Variants in SEMA3E observed in about 807,000 individuals in gnomAD.
The protein encoded by SEMA3E is semaphorin 3E, also known as semaphorin-3E.
Under a neutral mutation model 93.6 loss-of-function variants are expected in SEMA3E, and 49 were observed. That is an observed-to-expected ratio of 0.52 (90% confidence interval 0.42 to 0.66). The LOEUF is 0.66. Ranked by LOEUF, SEMA3E falls within the 30% of genes least tolerant of loss-of-function variation. The pLI is 0.00. For synonymous variants in SEMA3E, 363 were observed against 330.7 expected (o/e 1.10, Z -1.06); for missense variants, 906 against 964.8 (o/e 0.94, Z 0.81).
intron 1 of SEMA3E, among the ~76,000 whole-genome samples, chr7:83,615,709 T>C (rs1584365915): frequency 6.6e-6 from 1 of 152,260 alleles, no homozygotes; most frequent in East Asian, 1.9e-4. Context: ...ATGCAGATTA[T>C]AGCAACGATA....
intron 4 of SEMA3E, among the ~76,000 whole-genome samples, chr7:83,434,059 CTG>C (rs1479363745): frequency 6.6e-6 from 1 of 151,962 alleles, no homozygotes; most frequent in Non-Finnish European, 1.5e-5. Flanking sequence ...TGCTAAATAA[CTG>C]TAGTTTTACC....
intron 5 of SEMA3E, among the ~76,000 whole-genome samples, chr7:83,415,802 T>A (rs544454015): frequency 6.6e-6 from 1 of 152,238 alleles, no homozygotes; most frequent in South Asian, 2.1e-4. Flanking sequence ...TTTGTCTTCA[T>A]GTGAACAGAC....
intron 4 of SEMA3E, among the ~76,000 whole-genome samples, chr7:83,420,424 C>T (rs1788650246): frequency 1.3e-5 from 2 of 152,100 alleles, no homozygotes; most frequent in African/African-American, 4.8e-5. Context: ...AAACTATCAA[C>T]ATCATTTTTC....
intron 4 of SEMA3E, among the ~76,000 whole-genome samples, chr7:83,445,437 G>T (rs1789205569): frequency 6.6e-6 from 1 of 152,228 alleles, no homozygotes; most frequent in Non-Finnish European, 1.5e-5. Context: ...TATAGGTGGG[G>T]CCGGGCACGG....
chr7:83,591,114 A>AAC (rs1317126587), intron 1 of SEMA3E, among the ~76,000 whole-genome samples: 1 of 150,390 alleles, frequency 6.6e-6, no homozygotes, highest in Non-Finnish European at 1.5e-5. Context: ...TGCAAAAAAA[A>AAC]AAAAAAAACA....
rs1242699730 is a variant in SEMA3E at position 83,478,547 on chromosome 7, C to G, written c.277-9245G>C. On this transcript the variant is annotated intron_variant, in intron 2 of 16. Coordinates refer to ENST00000643230, the MANE Select transcript of SEMA3E (RefSeq NM_012431.3). The stretch of plus-strand genomic sequence containing the variant: ...AGGGGCTATTCATACAGAACATAGA[C>G]AGGATAATCTGTTACCTGTGGTTGA... Among the ~76,000 whole-genome samples the G allele has an allele frequency of 2.6e-5, 4 of 152,274 alleles. No homozygotes were observed. In the East Asian group the frequency reaches 7.7e-4, roughly 29 times the overall value.
intron 2 of SEMA3E, among the ~76,000 whole-genome samples, chr7:83,469,793 A>G (rs563344694): frequency 6.6e-6 from 1 of 152,100 alleles, no homozygotes; most frequent in South Asian, 2.1e-4. Flanking sequence ...TTATTTATTT[A>G]TTTATTATCT....
chr7:83,645,071 T>A (rs919795760), intron 1 of SEMA3E, among the ~76,000 whole-genome samples: 1 of 152,068 alleles, frequency 6.6e-6, no homozygotes, highest in East Asian at 1.9e-4. Flanking sequence ...GGCTTATTTG[T>A]TTTTTCTTCT....
At chr7:83,555,271 G>A (rs1369916431) in intron 1 of SEMA3E, among the ~76,000 whole-genome samples, 5 of 152,280 alleles carry the variant, frequency 3.3e-5, no homozygotes, top group South Asian at 4.1e-4. Flanking sequence ...TGTCCCAGAC[G>A]TCACCAGTAC....
At chr7:83,550,991 A>C (rs1791753017) in intron 1 of SEMA3E, among the ~76,000 whole-genome samples, 1 of 152,184 alleles carries the variant, frequency 6.6e-6, no homozygotes, top group Non-Finnish European at 1.5e-5. Context: ...GTTATTTTAG[A>C]TGCATCAGAT....
intron 1 of SEMA3E, among the ~76,000 whole-genome samples, chr7:83,585,580 C>T (rs1371758152): frequency 1.3e-5 from 2 of 152,278 alleles, no homozygotes; most frequent in East Asian, 1.9e-4. Flanking sequence ...CCATAGACTG[C>T]TAAATGGCTG....
chr7:83,640,161 G>T (rs918614356), intron 1 of SEMA3E, among the ~76,000 whole-genome samples: 2 of 151,990 alleles, frequency 1.3e-5, no homozygotes, highest in South Asian at 2.1e-4. Flanking sequence ...CATTTTCTTT[G>T]CTGCTGTTCT....
chr7:83,394,523 A>T (rs1204526615), intron 12 of SEMA3E, among the ~76,000 whole-genome samples, 185 bp from the exon 13 acceptor site: 1 of 152,164 alleles, frequency 6.6e-6, no homozygotes, highest in African/African-American at 2.4e-5. Flanking sequence ...ACTTGTTTCT[A>T]ACAGGGTGGG....
chr7:83,642,864 T>C (rs1794032932), intron 1 of SEMA3E, among the ~76,000 whole-genome samples: 1 of 152,078 alleles, frequency 6.6e-6, no homozygotes, highest in African/African-American at 2.4e-5. Context: ...GAGACTGAAA[T>C]TATAAGACTT....
chr7:83,568,949 T>C (rs1316845261), intron 1 of SEMA3E, among the ~76,000 whole-genome samples: 9 of 152,224 alleles, frequency 5.9e-5, no homozygotes, highest in African/African-American at 1.9e-4. Flanking sequence ...TATTCTTCTT[T>C]GCTGTTGATA....
At position 83,418,669 on chromosome 7, in the gene SEMA3E, T is replaced by G. The variant is rs558702302; in HGVS notation, c.457-186A>C. 2.0e-5 allele frequency among the ~76,000 whole-genome samples: 3 copies of G among 152,238 alleles called. No homozygotes were observed. In the South Asian group the frequency reaches 6.2e-4, roughly 32 times the overall value. ...TAAGCACATGTGTTTTACAGACCCA[T>G]AAGAGTTCTCTCACTCCTCTGAAAA... On this transcript the variant is annotated intron_variant, in intron 4 of 16. Transcript: ENST00000643230.
intron 2 of SEMA3E, among the ~76,000 whole-genome samples, chr7:83,473,393 T>C (rs918213617): frequency 2.6e-5 from 4 of 152,176 alleles, no homozygotes; most frequent in Admixed American, 2.0e-4. Context: ...AGCAGTTTGT[T>C]TGTTCCCTTA....
intron 1 of SEMA3E, among the ~76,000 whole-genome samples, chr7:83,552,388 C>T (rs1171899549): frequency 1.3e-5 from 2 of 152,058 alleles, no homozygotes; most frequent in Admixed American, 6.6e-5. Context: ...GTTAACTGTA[C>T]AAATTGATTG....
Position 83,368,125 on chromosome 7 carries a change from T to G in SEMA3E, c.1876-87A>C, listed in dbSNP as rs1286999044. 9.9e-6 allele frequency: 12 copies of G among 1,213,696 alleles called. No homozygotes were observed. In the East Asian group the frequency reaches 2.1e-4, roughly 21 times the overall value. The allele number at this position is 1,213,696 out of a possible 1,614,324, so 75.2% of individuals were successfully genotyped here. ...CCCTTTCCACTACCTATCTTGAATT[T>G]TTTCATTTTCACTGTCACATAATGA... On this transcript the variant is annotated intron_variant, in intron 16 of 16. Coordinates refer to ENST00000643230, the MANE Select transcript of SEMA3E (RefSeq NM_012431.3).
Sources: gnomAD v4.1 joint callset for allele counts (sites outside exome capture counted in the v4.1 genomes callset) on GRCh38, gnomAD v4.1.1 for gene constraint, MANE v1.5 for transcripts, NCBI Gene and HGNC (gene_info 2026-07-23, HGNC 2026-07-21) for gene names.